Variants in TTC29 observed in about 807,000 individuals in gnomAD.
TTC29 encodes the protein tetratricopeptide repeat domain 29.
Under a neutral mutation model 58.1 loss-of-function variants are expected in TTC29, and 49 were observed. That is an observed-to-expected ratio of 0.84 (90% CI 0.67 to 1.07). The LOEUF (loss-of-function observed/expected upper bound fraction) is 1.07, where lower values mean the gene tolerates loss of function less well. Ranked by LOEUF, TTC29 falls within the 50% of genes least tolerant of loss-of-function variation. The probability of loss-of-function intolerance (pLI) is 0.00; values close to 1 mark genes in which losing one functional copy is unlikely to be tolerated. For synonymous variants in TTC29, 209 were observed against 196.8 expected, an observed-to-expected ratio of 1.06 and a Z score of -0.52; for missense variants, 582 against 555.6, an observed-to-expected ratio of 1.05 and a Z score of -0.48.
intron 8 of TTC29, among the ~76,000 whole-genome samples, chr4:146,839,563 T>C (rs1368902483): frequency 3.3e-5 from 5 of 151,194 alleles, no homozygotes; most frequent in Non-Finnish European, 4.4e-5. Flanking sequence ...TGTGTGTGTG[T>C]GTGTGTGTGT....
intron 4 of TTC29, among the ~76,000 whole-genome samples, chr4:146,922,077 C>G (rs1314288060): frequency 7.0e-6 from 1 of 143,160 alleles, no homozygotes; most frequent in Non-Finnish European, 1.5e-5. Flanking sequence ...TTTAGAAATA[C>G]ACTTCAAATT....
chr4:146,892,873 A>T (rs1732480622), intron 6 of TTC29, among the ~76,000 whole-genome samples: 2 of 152,226 alleles, frequency 1.3e-5, no homozygotes, highest in Admixed American at 1.3e-4. Flanking sequence ...AATCACAAGC[A>T]TTCTTGTACA....
At chr4:146,792,346 G>A (rs1400116964) in intron 11 of TTC29, among the ~76,000 whole-genome samples, 2 of 152,150 alleles carry the variant, frequency 1.3e-5, no homozygotes, top group African/African-American at 2.4e-5. Flanking sequence ...TACCACACCT[G>A]TGCTCTATAA....
chr4:146,780,267 A>G (rs982089986), intron 11 of TTC29, among the ~76,000 whole-genome samples: 2 of 148,506 alleles, frequency 1.3e-5, no homozygotes, highest in Non-Finnish European at 3.0e-5. Flanking sequence ...GGATCGTCAA[A>G]TGAGTCATTT....
Position 146,810,222 on chromosome 4 carries a change from G to A in TTC29, c.1102-6537C>T, listed in dbSNP as rs561561232. Among the ~76,000 whole-genome samples the A allele has an allele frequency of 3.3e-5, 5 of 152,260 alleles. No individual in the cohort carries two copies. In the East Asian group the frequency reaches 7.7e-4, roughly 24 times the overall value. ...GGGAGTTGAACAGCGAGAAGACATG[G>A]ACACAGGGAAGGGAACATCACATAC... On this transcript the variant is annotated intron_variant, in intron 10 of 12. Coordinates refer to ENST00000325106, the MANE Select transcript of TTC29 (RefSeq NM_031956.4).
chr4:146,741,840 G>C (rs1745176365), intron 11 of TTC29, among the ~76,000 whole-genome samples: 1 of 152,070 alleles, frequency 6.6e-6, no homozygotes, highest in African/African-American at 2.4e-5. Flanking sequence ...CATTTCCATG[G>C]GAAGCTTCTC....
chr4:146,916,288 C>T (rs918744776), intron 4 of TTC29, among the ~76,000 whole-genome samples: 1 of 150,670 alleles, frequency 6.6e-6, no homozygotes, highest in African/African-American at 2.4e-5. Flanking sequence ...CTATTTTTTC[C>T]CAAAAGCTAA....
At chr4:146,800,873 G>A (rs953974058) in intron 11 of TTC29, among the ~76,000 whole-genome samples, 5 of 152,186 alleles carry the variant, frequency 3.3e-5, no homozygotes, top group African/African-American at 4.8e-5. Context: ...TACAGAAATG[G>A]CCGTGGTAGG....
intron 11 of TTC29, among the ~76,000 whole-genome samples, chr4:146,740,496 A>C (rs909391541): frequency 6.6e-6 from 1 of 152,076 alleles, no homozygotes; most frequent in Non-Finnish European, 1.5e-5. Flanking sequence ...GGTTAGTTAC[A>C]TATGTATACA....
chr4:146,728,533 A>T (rs911365426), intron 11 of TTC29, among the ~76,000 whole-genome samples: 2 of 151,202 alleles, frequency 1.3e-5, no homozygotes, highest in Non-Finnish European at 2.9e-5. Flanking sequence ...GGTCTTCCCC[A>T]TCCATTCTAT....
chr4:146,903,725 G>A lies in TTC29; in HGVS notation c.405C>T (p.Ser135=). The A allele has an allele frequency of 6.4e-7, 1 of 1,565,776 alleles. No individual in the cohort carries two copies. The highest frequency in any genetic ancestry group is 1.4e-5 in the African/African-American group (1 of 72,784). The part of the protein sequence containing the change: ...TRAEDAERKE[S]FEDVHNNLYA... ...ACAAGTTATTATGTACATCTTCGAAGGATTCTTCAAAGAGAGAAAAGCACC... is the reference window on the plus strand; with the variant it reads ...ACAAGTTATTATGTACATCTTCGAAAGATTCTTCAAAGAGAGAAAAGCACC... The change falls in exon 6 of 13, where the codon TCC becomes TCT. Residue 135 remains serine, a synonymous_variant. Transcript: ENST00000325106.
chr4:146,758,742 T>C (rs546824648), intron 11 of TTC29, among the ~76,000 whole-genome samples: 4 of 152,080 alleles, frequency 2.6e-5, no homozygotes, highest in Admixed American at 6.6e-5. Context: ...CAAATAAGCA[T>C]TGGGTCAAAA....
chr4:146,930,084 C>CAT (rs70958534), intron 4 of TTC29, among the ~76,000 whole-genome samples: 7,405 of 77,194 alleles, frequency 0.096, 393 homozygotes, highest in East Asian at 0.2. Flanking sequence ...TGTGTGTGTG[C>CAT]ATATATATAT....
chr4:146,857,737 T>C (rs1222737265), intron 8 of TTC29, among the ~76,000 whole-genome samples: 6 of 151,840 alleles, frequency 4.0e-5, no homozygotes, highest in Non-Finnish European at 7.4e-5. Context: ...TTCTAACTGG[T>C]GAGTAAAGAC....
At chr4:146,930,606 C>A (rs1007611261) in intron 4 of TTC29, among the ~76,000 whole-genome samples, 3 of 152,134 alleles carry the variant, frequency 2.0e-5, no homozygotes, top group African/African-American at 4.8e-5. Flanking sequence ...GTTGCAGTAA[C>A]CTCAGTAATT....
At chr4:146,747,454 C>T (rs766384741) in intron 11 of TTC29, among the ~76,000 whole-genome samples, 16 of 152,180 alleles carry the variant, frequency 1.1e-4, no homozygotes, top group Non-Finnish European at 1.9e-4. Context: ...CGCAGAACTG[C>T]TCCATTCATA....
chr4:146,726,339 G>A (rs764296534), intron 11 of TTC29, among the ~76,000 whole-genome samples: 5 of 152,194 alleles, frequency 3.3e-5, no homozygotes, highest in South Asian at 2.1e-4. Flanking sequence ...TGTAATCCCC[G>A]CTACTCAGAA....
intron 11 of TTC29, among the ~76,000 whole-genome samples, chr4:146,778,049 T>C (rs1195001063): frequency 2.0e-5 from 3 of 152,226 alleles, no homozygotes; most frequent in African/African-American, 7.2e-5. Flanking sequence ...TTGGCCACAA[T>C]GAACTGTAGT....
chr4:146,889,369 A>T (rs982291816), intron 6 of TTC29, among the ~76,000 whole-genome samples: 37 of 152,276 alleles, frequency 2.4e-4, no homozygotes, highest in Admixed American at 1.3e-3. Flanking sequence ...AATAATACTT[A>T]AAATAATTTT....
Sources: gnomAD v4.1 joint callset for allele counts (sites outside exome capture counted in the v4.1 genomes callset) on GRCh38, gnomAD v4.1.1 for gene constraint, MANE v1.5 for transcripts, NCBI Gene and HGNC (gene_info 2026-07-23, HGNC 2026-07-21) for gene names.